The following TRPC7 variants were observed in gnomAD, a reference collection of about 807,000 sequenced individuals.
TRPC7 encodes transient receptor potential cation channel subfamily C member 7.
TRPC7 carries 42 observed loss-of-function variants against 90.1 expected under a neutral mutation model. The observed-to-expected ratio is 0.47, with a 90% CI of 0.36 to 0.60. TRPC7 has a LOEUF of 0.60. Ranked by LOEUF, TRPC7 falls within the 20% of genes least tolerant of loss-of-function variation. The pLI, the probability that TRPC7 is intolerant of heterozygous loss-of-function variation, is 0.00. For missense variants in TRPC7, 955 were observed against 1,112.3 expected (o/e 0.86, Z 2.01); for synonymous variants, 451 against 436.3 (o/e 1.03, Z -0.42).
chr5:136,349,328 A>G (rs1007029438), intron 2 of TRPC7, among the ~76,000 whole-genome samples: 10 of 152,120 alleles, frequency 6.6e-5, no homozygotes, highest in African/African-American at 2.2e-4. Flanking sequence ...AAAATCTGCT[A>G]TGGGAATGGG....
rs1385580246 is a variant in TRPC7 at position 136,360,647 on chromosome 5, AATC to A, written c.3-3265_3-3263del. 3.3e-5 allele frequency among the ~76,000 whole-genome samples: 5 copies of A among 152,214 alleles called. No homozygotes were observed. In the South Asian group the frequency reaches 6.2e-4, roughly 19 times the overall value. ...TTGAAAAACATTTGGATGCTCACAA[AATC>A]ATCAATTCTGTTCCTTTCCTAGCAG... On this transcript the variant is annotated intron_variant, in intron 1 of 11. Coordinates refer to ENST00000513104, the MANE Select transcript of TRPC7 (RefSeq NM_020389.3).
intron 3 of TRPC7, among the ~76,000 whole-genome samples, chr5:136,277,300 C>G (rs1006847992): frequency 6.6e-6 from 1 of 152,234 alleles, no homozygotes; most frequent in Admixed American, 6.5e-5. Flanking sequence ...CTGATTGGAC[C>G]TTTGCTAATC....
intron 3 of TRPC7, among the ~76,000 whole-genome samples, chr5:136,308,250 G>A (rs1758711412): frequency 1.3e-5 from 2 of 152,222 alleles, no homozygotes; most frequent in African/African-American, 2.4e-5. Context: ...AATGGATATT[G>A]ATCACTTTTG....
Position 136,247,871 on chromosome 5 carries a change from C to T in TRPC7, c.1580-136G>A. 9.2e-7 allele frequency: 1 copy of T among 1,082,386 alleles called. No individual in the cohort carries two copies. Among genetic ancestry groups the T allele is most frequent in the Non-Finnish European group, 1.3e-6 (1 of 768,960 alleles). The allele number at this position is 1,082,386 out of a possible 1,614,324, so 67.0% of individuals were successfully genotyped here. On this transcript the variant is annotated intron_variant, in intron 6 of 11. Transcript: ENST00000513104. This position sits in a 1 kb window ranked among gnomAD's most constrained non-coding sequence, Gnocchi z 4.2. ...TTGTCCTTAAATTAATCCCAATATCCAGAAGTTGCCACCCTCCCTCTTGGA... is the reference window on the plus strand; with the variant it reads ...TTGTCCTTAAATTAATCCCAATATCTAGAAGTTGCCACCCTCCCTCTTGGA...
chr5:136,234,599 C>T (rs1317981543), intron 7 of TRPC7, among the ~76,000 whole-genome samples: 15 of 152,196 alleles, frequency 9.9e-5, no homozygotes, highest in African/African-American at 3.1e-4. Context: ...TTAGCCACCG[C>T]GCCTGGCCCT....
At chr5:136,272,226 T>G (rs1757233515) in intron 4 of TRPC7, among the ~76,000 whole-genome samples, 1 of 152,214 alleles carries the variant, frequency 6.6e-6, no homozygotes, top group African/African-American at 2.4e-5. Flanking sequence ...TATAGACAGA[T>G]GTAAAGTCAG....
chr5:136,231,220 A>G (rs1303471513), intron 8 of TRPC7, 134 bp downstream of exon 8: 2 of 814,228 alleles, frequency 2.5e-6, no homozygotes, highest in African/African-American at 3.5e-5. Flanking sequence ...CAATCCAGGA[A>G]GAATGCCTGT....
chr5:136,342,354 C>A (rs1759871182), intron 2 of TRPC7, among the ~76,000 whole-genome samples: 1 of 152,186 alleles, frequency 6.6e-6, no homozygotes, highest in Non-Finnish European at 1.5e-5. Flanking sequence ...CTGAGGGGTG[C>A]AGACTGCTGG....
At chr5:136,361,459 G>C (rs1384953596) in intron 1 of TRPC7, among the ~76,000 whole-genome samples, 1 of 152,140 alleles carries the variant, frequency 6.6e-6, no homozygotes, top group East Asian at 1.9e-4. Flanking sequence ...AGATGCATCA[G>C]CCAGTCTGAA....
chr5:136,289,010 A>C (rs923268668), intron 3 of TRPC7, among the ~76,000 whole-genome samples: 2 of 152,234 alleles, frequency 1.3e-5, no homozygotes, highest in African/African-American at 4.8e-5. Flanking sequence ...CCTGATGGTT[A>C]CTGCAAGCAG....
intron 5 of TRPC7, among the ~76,000 whole-genome samples, chr5:136,254,295 A>C (rs769424146): frequency 2.0e-5 from 3 of 152,156 alleles, no homozygotes; most frequent in African/African-American, 7.2e-5. Flanking sequence ...GCCATTTAGA[A>C]CTTTCAGAGC....
chr5:136,274,341 AC>A (rs1346614539), intron 4 of TRPC7, among the ~76,000 whole-genome samples: 1 of 152,160 alleles, frequency 6.6e-6, no homozygotes, highest in African/African-American at 2.4e-5. Context: ...TAATTATTAT[AC>A]TGTGGGTTTG....
At chr5:136,345,215 A>G (rs1759967447) in intron 2 of TRPC7, among the ~76,000 whole-genome samples, 1 of 152,200 alleles carries the variant, frequency 6.6e-6, no homozygotes, top group Non-Finnish European at 1.5e-5. Flanking sequence ...TATTAATTCA[A>G]ATTTTTGTAC....
At chr5:136,307,701 G>A (rs1426505739) in intron 3 of TRPC7, among the ~76,000 whole-genome samples, 1 of 152,198 alleles carries the variant, frequency 6.6e-6, no homozygotes, top group Non-Finnish European at 1.5e-5. Context: ...ACTGGATAGA[G>A]TCCAGGTATG....
chr5:136,303,350 T>C (rs1758473586), intron 3 of TRPC7, among the ~76,000 whole-genome samples: 1 of 152,046 alleles, frequency 6.6e-6, no homozygotes, highest in Admixed American at 6.5e-5. Flanking sequence ...TAAATAAAAC[T>C]CCAAAAATTA....
At chr5:136,313,014 G>A (rs1464966749) in intron 3 of TRPC7, among the ~76,000 whole-genome samples, 1 of 116,034 alleles carries the variant, frequency 8.6e-6, no homozygotes, top group East Asian at 2.6e-4. Context: ...ACAGGGTCTT[G>A]CTATGTCCCC....
At chr5:136,299,083 C>T (rs1758281270) in intron 3 of TRPC7, among the ~76,000 whole-genome samples, 1 of 151,862 alleles carries the variant, frequency 6.6e-6, no homozygotes, top group South Asian at 2.1e-4. Flanking sequence ...GGGGTGGTCA[C>T]CTGAGGTTGG....
At chr5:136,311,460 C>T (rs1499758) in intron 3 of TRPC7, among the ~76,000 whole-genome samples, 1 of 152,176 alleles carries the variant, frequency 6.6e-6, no homozygotes, top group Non-Finnish European at 1.5e-5. Context: ...CCAGCTGGGC[C>T]TAAACTGGGA....
intron 2 of TRPC7, among the ~76,000 whole-genome samples, chr5:136,346,420 T>C (rs1459435773): frequency 6.6e-6 from 1 of 152,166 alleles, no homozygotes; most frequent in Non-Finnish European, 1.5e-5. Context: ...CTGTCCCCAG[T>C]ACCAAGTTTC....
Sources: gnomAD v4.1 joint callset for allele counts (sites outside exome capture counted in the v4.1 genomes callset) on GRCh38, gnomAD v4.1.1 for gene constraint, Gnocchi (gnomAD v3.1) non-coding constraint, MANE v1.5 for transcripts, NCBI Gene and HGNC (gene_info 2026-07-23, HGNC 2026-07-21) for gene names.